Variants in CFAP299 observed in about 807,000 individuals in gnomAD.
CFAP299 encodes cilia- and flagella-associated protein 299.
Under a neutral mutation model 27.0 loss-of-function variants are expected in CFAP299, and 21 were observed. The observed-to-expected ratio is 0.78, with a 90% CI of 0.55 to 1.12. CFAP299 has a LOEUF of 1.12. Ranked by LOEUF, CFAP299 falls within the 50% of genes most tolerant of loss-of-function variation. The probability of loss-of-function intolerance (pLI) is 0.00; values close to 1 mark genes in which losing one functional copy is unlikely to be tolerated. For missense variants in CFAP299, 310 were observed against 276.6 expected (o/e 1.12, Z -0.86); for synonymous variants, 104 against 98.1 (o/e 1.06, Z -0.36).
At chr4:80,689,310 CA>C (rs202090322) in intron 3 of CFAP299, among the ~76,000 whole-genome samples, 4,460 of 152,058 alleles carry the variant, frequency 0.029, 234 homozygotes, top group African/African-American at 0.1. Context: ...GGGTTACCCT[CA>C]AAGGGAAGCC....
intron 4 of CFAP299, among the ~76,000 whole-genome samples, chr4:80,895,448 C>T (rs1385073179): frequency 6.6e-6 from 1 of 151,880 alleles, no homozygotes; most frequent in Non-Finnish European, 1.5e-5. Flanking sequence ...TAAATAAGCA[C>T]AAGATTAGAA....
chr4:80,802,720 G>T (rs901489263), intron 3 of CFAP299, among the ~76,000 whole-genome samples: 2 of 151,790 alleles, frequency 1.3e-5, no homozygotes, highest in African/African-American at 4.8e-5. Flanking sequence ...TGTTTCTCTC[G>T]ATTTTTCTGA....
At chr4:80,674,736 T>G (rs1458668948) in intron 3 of CFAP299, among the ~76,000 whole-genome samples, 2 of 152,292 alleles carry the variant, frequency 1.3e-5, no homozygotes, top group Admixed American at 1.3e-4. Flanking sequence ...ACTCTTTTTT[T>G]CTCTAAACTT....
At chr4:80,689,099 C>T (rs572350859) in intron 3 of CFAP299, among the ~76,000 whole-genome samples, 2 of 152,112 alleles carry the variant, frequency 1.3e-5, no homozygotes, top group African/African-American at 2.4e-5. Context: ...GAGAATGGAA[C>T]CAAGTTGGAA....
intron 2 of CFAP299, among the ~76,000 whole-genome samples, chr4:80,399,665 G>A (rs1052182070): frequency 2.2e-5 from 3 of 139,338 alleles, no homozygotes; most frequent in African/African-American, 5.3e-5. Context: ...CACAGTAAGG[G>A]GAACATCACA....
rs149406352 is a variant in CFAP299, at chr4:80,353,399, A to C, written c.112-9355A>C. On this transcript the variant is annotated intron_variant, in intron 1 of 5. Coordinates refer to ENST00000358105, the MANE Select transcript of CFAP299 (RefSeq NM_152770.3). ...CAAATTCTGAGAGTGCTCTCCAGTAAATTTTCTGCACACAAATCCACATCC... is the reference window on the plus strand; with the variant it reads ...CAAATTCTGAGAGTGCTCTCCAGTACATTTTCTGCACACAAATCCACATCC... Among the ~76,000 whole-genome samples the C allele has an allele frequency of 6.2e-3, 949 of 152,260 alleles. 2 individuals are homozygous for C. Among genetic ancestry groups the C allele is most frequent in the Middle Eastern group, 0.024 (7 of 294 alleles).
At chr4:80,437,448 G>A (rs1578441841) in intron 2 of CFAP299, among the ~76,000 whole-genome samples, 1 of 152,152 alleles carries the variant, frequency 6.6e-6, no homozygotes, top group Non-Finnish European at 1.5e-5. Flanking sequence ...AGTCTCAACA[G>A]CTTTTGCGCC....
rs1028141461 is a variant in CFAP299, at chr4:80,835,162, G to A, written c.334-34831G>A. Among the ~76,000 whole-genome samples, 18 of 152,192 alleles carry A rather than the reference G, an allele frequency of 1.2e-4. No homozygotes were observed. The East Asian group carries it at 3.5e-3, about 29-fold the overall frequency. On this transcript the variant is annotated intron_variant, in intron 3 of 5. Coordinates refer to ENST00000358105, the MANE Select transcript of CFAP299 (RefSeq NM_152770.3). Reference sequence around the variant, plus strand: ...GATGGAGTCTCGCTCTGTCGCCCAGGCTGCAGTGCAGTGGCTCGATCTCGG... The same window carrying A: ...GATGGAGTCTCGCTCTGTCGCCCAGACTGCAGTGCAGTGGCTCGATCTCGG...
At chr4:80,745,798 T>G (rs1724551542) in intron 3 of CFAP299, among the ~76,000 whole-genome samples, 1 of 152,068 alleles carries the variant, frequency 6.6e-6, no homozygotes, top group African/African-American at 2.4e-5. Context: ...CATGTTGCTT[T>G]AGACACTCTA....
At chr4:80,608,035 A>G (rs988119081) in intron 3 of CFAP299, among the ~76,000 whole-genome samples, 2 of 152,176 alleles carry the variant, frequency 1.3e-5, no homozygotes, top group African/African-American at 4.8e-5. Flanking sequence ...AGCATTTCGT[A>G]GCCAAAGTTT....
chr4:80,838,852 A>AAAAAGCAGG (rs1440475634), intron 3 of CFAP299, among the ~76,000 whole-genome samples: 3 of 152,252 alleles, frequency 2.0e-5, no homozygotes, highest in South Asian at 2.1e-4. Context: ...AAACATTAGA[A>AAAAAGCAGG]AAAAGCAGGA....
At chr4:80,493,759 C>CTTTTTTTT (rs1177389983) in intron 2 of CFAP299, among the ~76,000 whole-genome samples, 5 of 76,768 alleles carry the variant, frequency 6.5e-5, no homozygotes, top group Admixed American at 1.4e-4. Flanking sequence ...ATCTCATATT[C>CTTTTTTTT]TTTTTTTTTT....
intron 3 of CFAP299, among the ~76,000 whole-genome samples, chr4:80,847,246 C>T (rs72865113): frequency 0.036 from 5,424 of 152,228 alleles, 202 homozygotes; most frequent in African/African-American, 0.099. Flanking sequence ...ATGCATGAGA[C>T]CAGGCTCTGG....
At chr4:80,580,397 G>T (rs1018743731) in intron 2 of CFAP299, among the ~76,000 whole-genome samples, 3 of 151,942 alleles carry the variant, frequency 2.0e-5, no homozygotes, top group Non-Finnish European at 4.4e-5. Flanking sequence ...CAATAAAAAG[G>T]AAGAAACAAT....
chr4:80,554,607 G>A (rs1428448422), intron 2 of CFAP299, among the ~76,000 whole-genome samples: 2 of 145,146 alleles, frequency 1.4e-5, no homozygotes, highest in African/African-American at 2.6e-5. Context: ...CCATTTTAAT[G>A]TTATTGATTC....
intron 3 of CFAP299, among the ~76,000 whole-genome samples, chr4:80,753,347 T>C (rs970330843): frequency 1.3e-5 from 2 of 152,102 alleles, no homozygotes; most frequent in Non-Finnish European, 2.9e-5. Context: ...ATTTGTCTTA[T>C]ATAATTCTTC....
chr4:80,805,946 C>T (rs1400342469), intron 3 of CFAP299, among the ~76,000 whole-genome samples: 1 of 151,970 alleles, frequency 6.6e-6, no homozygotes, highest in Non-Finnish European at 1.5e-5. Flanking sequence ...AAGAATATCT[C>T]TGCACTCAAG....
chr4:80,458,590 A>G (rs552062500), intron 2 of CFAP299, among the ~76,000 whole-genome samples: 1 of 152,292 alleles, frequency 6.6e-6, no homozygotes, highest in Admixed American at 6.5e-5. Flanking sequence ...TTTCTTTTAA[A>G]TATAGCCAAT....
chr4:80,496,516 G>A (rs566871768), intron 2 of CFAP299, among the ~76,000 whole-genome samples: 1 of 152,170 alleles, frequency 6.6e-6, no homozygotes, highest in African/African-American at 2.4e-5. Flanking sequence ...ATCACTATCA[G>A]CATTTTGGTC....
Sources: allele counts gnomAD v4.1 joint callset (sites outside exome capture counted in the v4.1 genomes callset), GRCh38; gene constraint gnomAD v4.1.1; transcripts MANE v1.5; gene names NCBI Gene and HGNC (gene_info 2026-07-23, HGNC 2026-07-21).